Variants in NCSTN observed in about 807,000 individuals in gnomAD.
The protein encoded by NCSTN is anterior pharynx-defective 2.
In NCSTN, 22 loss-of-function variants were observed where a neutral mutation model predicts 87.0. That is an observed-to-expected ratio of 0.25 (90% CI 0.18 to 0.36). NCSTN has a LOEUF of 0.36. Among genes scored for constraint, NCSTN ranks in the 10% least tolerant of loss-of-function variants. The pLI is 1.00. For missense variants in NCSTN, 693 were observed against 883.3 expected, an observed-to-expected ratio of 0.78 and a Z score of 2.73; for synonymous variants, 306 against 327.1, an observed-to-expected ratio of 0.94 and a Z score of 0.69.
intron 6 of NCSTN, 92 bp downstream of exon 6, chr1:160,351,464 A>G: frequency 6.8e-7 from 1 of 1,477,110 alleles, no homozygotes; most frequent in Non-Finnish European, 9.4e-7. Context: ...TGTAATAGGG[A>G]AGGAGTAGAC....
intron 2 of NCSTN, among the ~76,000 whole-genome samples, chr1:160,346,782 T>A (rs1259149366): frequency 6.6e-6 from 1 of 152,054 alleles, no homozygotes; most frequent in Non-Finnish European, 1.5e-5. Context: ...ATTTTTTGTA[T>A]CTTTAGTAGA....
intron 2 of NCSTN, among the ~76,000 whole-genome samples, chr1:160,347,447 C>G (rs1648559993): frequency 6.6e-6 from 1 of 152,170 alleles, no homozygotes; most frequent in Admixed American, 6.5e-5. Context: ...TCTGTCCCCA[C>G]AGTATGAGAT....
rs1441987253 is a variant in NCSTN, at chr1:160,352,148, A to C, written c.938A>C (p.Gln313Pro). ...CAGCTGGCTGCTGCTGAAGCTTTGC[A>C]AAAGGCACCTGATGTGACCACCCTG... Reference protein sequence around the residue: ...VTQLAAAEALQKAPDVTTLPR... With the variant: ...VTQLAAAEALPKAPDVTTLPR... The change falls in exon 8 of 17, where the codon CAA (glutamine) becomes CCA (proline). Residue 313 changes from glutamine (Q) to proline (P), a missense_variant. This residue lies in a region of NCSTN where 134 missense variants were observed against 226.0 expected (regional missense o/e 0.59). Coordinates refer to ENST00000294785, the MANE Select transcript of NCSTN (RefSeq NM_015331.3). 6.2e-7 allele frequency: 1 copy of C among 1,614,228 alleles called. No homozygotes were observed. The highest frequency in any genetic ancestry group is 1.3e-5 in the African/African-American group (1 of 75,054).
intron 2 of NCSTN, among the ~76,000 whole-genome samples, chr1:160,345,685 A>C (rs1648440578): frequency 1.3e-5 from 2 of 151,834 alleles, no homozygotes; most frequent in African/African-American, 2.4e-5. Context: ...CTGTAATCCC[A>C]GCACTTCAGG....
At chr1:160,349,164 G>T (rs753480647) in intron 3 of NCSTN, 42 bp downstream of exon 3, 1 of 1,612,146 alleles carries the variant, frequency 6.2e-7, no homozygotes, top group South Asian at 1.1e-5. Context: ...TCCATAGAGG[G>T]AAAGTTTCAG....
intron 16 of NCSTN, 95 bp downstream of exon 16, chr1:160,357,348 C>A: frequency 7.7e-7 from 1 of 1,298,874 alleles, no homozygotes; most frequent in South Asian, 1.3e-5. Flanking sequence ...CCATTTGCCC[C>A]ACATTTGTAG....
Position 160,348,450 on chromosome 1 carries a change from C to T in NCSTN, c.191-549C>T, listed in dbSNP as rs143866161. Among the ~76,000 whole-genome samples the T allele has an allele frequency of 5.2e-3, 785 of 152,316 alleles. 6 individuals are homozygous for T. Among genetic ancestry groups the T allele is most frequent in the African/African-American group, 0.017 (718 of 41,574 alleles). ...AATGAGAGCACATCTCTGATCCATT[C>T]GAGGCTTATCAATTGGGAAGCTCTG... On this transcript the variant is annotated intron_variant, in intron 2 of 16. Transcript: ENST00000294785.
intron 1 of NCSTN, chr1:160,343,788 A>C (rs766945243): frequency 1.6e-6 from 1 of 628,458 alleles, no homozygotes; most frequent in Admixed American, 2.1e-5. Flanking sequence ...CCCACCCCAC[A>C]GTCGAAAGGA....
intron 3 of NCSTN, chr1:160,349,338 C>A: frequency 1.1e-6 from 1 of 883,148 alleles, no homozygotes; most frequent in African/African-American, 1.7e-5. Context: ...CCCTGGGCAT[C>A]CCTCCCCTCC....
rs368983429 is a variant in NCSTN, at chr1:160,349,685, G to A, written c.436+15G>A. On this transcript the variant is annotated intron_variant, in intron 4 of 16. Transcript: ENST00000294785. ...TGATGGGTTTGGTAAGTGTCCCAAA[G>A]GATCAGGAGAGCCTACTGTCACCTA... 8.0e-5 allele frequency: 129 copies of A among 1,613,298 alleles called. No individual in the cohort carries two copies. Among genetic ancestry groups the A allele is most frequent in the African/African-American group, 6.0e-4 (45 of 75,006 alleles).
In NCSTN at chr1:160,345,255, C is replaced by T. The variant is rs144276728; in HGVS notation, c.190+429C>T. 2.8e-3 allele frequency: 761 copies of T among 267,290 alleles called. 5 individuals carry two copies. Among genetic ancestry groups the T allele is most frequent in the African/African-American group, 0.016 (693 of 44,350 alleles). 16.6% of individuals were successfully genotyped at this position (267,290 alleles called of 1,614,324 possible). On this transcript the variant is annotated intron_variant, in intron 2 of 16. Transcript: ENST00000294785. ...TCCCCCAGGCTGGAGTGCAATGGCA[C>T]GATCTCGGCTCACGGTGACCTCTGC...
At chr1:160,354,030 T>G in intron 10 of NCSTN, 88 bp from the exon 11 acceptor site, 1 of 1,390,292 alleles carries the variant, frequency 7.2e-7, no homozygotes, top group Non-Finnish European at 1.0e-6. Context: ...GCAGGGAACT[T>G]GAAGTATAGA....
intron 11 of NCSTN, 79 bp downstream of exon 11, chr1:160,354,369 T>A: frequency 1.3e-6 from 2 of 1,492,438 alleles, no homozygotes; most frequent in Non-Finnish European, 1.9e-6. Flanking sequence ...GTCACTGCCC[T>A]CCGCTTTCCC....
At chr1:160,347,618 G>A (rs1439939388) in intron 2 of NCSTN, among the ~76,000 whole-genome samples, 2 of 152,090 alleles carry the variant, frequency 1.3e-5, no homozygotes, top group Admixed American at 6.6e-5. Flanking sequence ...TTTGGGGTGT[G>A]TGTGTGTGTG....
rs1052540978 is a variant in NCSTN, at chr1:160,358,690, C to T, written c.*419C>T. On this transcript the variant is annotated 3_prime_UTR_variant, in exon 17 of 17. Coordinates refer to ENST00000294785, the MANE Select transcript of NCSTN (RefSeq NM_015331.3). Reference sequence around the variant, plus strand: ...GGGAAGGACATAAAAGGTTTAATGTCAGGGTCAAACTACATTGAGCCCCTG... The same window carrying T: ...GGGAAGGACATAAAAGGTTTAATGTTAGGGTCAAACTACATTGAGCCCCTG... 1 of 299,408 alleles carries T rather than the reference C, an allele frequency of 3.3e-6. No homozygotes were observed. The highest frequency in any genetic ancestry group is 3.2e-5 in the South Asian group (1 of 30,792). The allele number at this position is 299,408 out of a possible 1,614,324, so 18.5% of individuals were successfully genotyped here. A position where few individuals can be genotyped will look rare whatever the true frequency, so the allele number is the denominator to read the frequency against.
rs80076141 is a variant in NCSTN, at chr1:160,350,726, T to C, written c.582+476T>C. Among the ~76,000 whole-genome samples, 528 of 152,092 alleles carry C rather than the reference T, an allele frequency of 3.5e-3. 3 individuals are homozygous for C. Among genetic ancestry groups the C allele is most frequent in the African/African-American group, 0.012 (508 of 41,410 alleles). Reference sequence around the variant, plus strand: ...ACTAGTATCGTTAAAAAAAAAAGCATTGGATTAGAGATTGAGAAATTCAAT... The same window carrying C: ...ACTAGTATCGTTAAAAAAAAAAGCACTGGATTAGAGATTGAGAAATTCAAT... On this transcript the variant is annotated intron_variant, in intron 5 of 16. Coordinates refer to ENST00000294785, the MANE Select transcript of NCSTN (RefSeq NM_015331.3).
At chr1:160,349,764 T>G in intron 4 of NCSTN, 94 bp downstream of exon 4, 13 of 1,529,162 alleles carry the variant, frequency 8.5e-6, no homozygotes, top group Non-Finnish European at 1.1e-5. Context: ...TATGTGTTTG[T>G]GTCTGTGTGT....
At chr1:160,357,699 C>T (rs1310192749) in intron 16 of NCSTN, among the ~76,000 whole-genome samples, 1 of 152,252 alleles carries the variant, frequency 6.6e-6, no homozygotes, top group East Asian at 1.9e-4. Context: ...AGCCACTGCA[C>T]CCGGCCAGGA....
intron 16 of NCSTN, 94 bp from the exon 17 acceptor site, chr1:160,358,055 A>G: frequency 1.3e-6 from 2 of 1,550,308 alleles, no homozygotes; most frequent in African/African-American, 2.7e-5. Flanking sequence ...CAGCATCCGA[A>G]TTCCCATGGC....
Sources: gnomAD v4.1 joint callset for allele counts (sites outside exome capture counted in the v4.1 genomes callset) on GRCh38, gnomAD v4.1.1 for gene constraint, gnomAD v4.1.1 regional missense constraint, MANE v1.5 for transcripts, NCBI Gene and HGNC (gene_info 2026-07-23, HGNC 2026-07-21) for gene names.